LTBP1: variants seen among roughly 807,000 people sequenced by gnomAD.
The protein encoded by LTBP1 is latent transforming growth factor beta binding protein 1.
LTBP1 carries 129 observed loss-of-function variants against 207.6 expected under a neutral mutation model. That is an observed-to-expected ratio of 0.62 (90% confidence interval 0.54 to 0.72). The LOEUF is 0.72. Among genes scored for constraint, LTBP1 ranks in the 30% least tolerant of loss-of-function variants. LTBP1 has a pLI of 0.00. For synonymous variants in LTBP1, 963 were observed against 833.7 expected, an observed-to-expected ratio of 1.16 and a Z score of -2.67; for missense variants, 2,281 against 2,217.2, an observed-to-expected ratio of 1.03 and a Z score of -0.58.
At chr2:33,070,235 A>G (rs145290206) in intron 3 of LTBP1, among the ~76,000 whole-genome samples, 4 of 152,200 alleles carry the variant, frequency 2.6e-5, no homozygotes, top group Non-Finnish European at 5.9e-5. Flanking sequence ...TTTTCCTTTG[A>G]AAAGTTTGTT....
chr2:33,242,110 C>A (rs2092346317), intron 9 of LTBP1, among the ~76,000 whole-genome samples: 1 of 152,156 alleles, frequency 6.6e-6, no homozygotes, highest in Admixed American at 6.5e-5. Context: ...TTAAAAATTG[C>A]ATGCTCTGAG....
Position 33,360,742 on chromosome 2 carries a change from T to C in LTBP1, c.4146T>C (p.Asp1382=), listed in dbSNP as rs566977094. ...CCCTSGVGWG[D]NCEIFPCPVL... The stretch of plus-strand genomic sequence containing the variant: ...GTACATCAGGCGTGGGATGGGGAGA[T>C]AACTGCGAAATCTTCCCCTGCCCGG... The change falls in exon 27 of 34, where the codon GAT becomes GAC. Residue 1382 remains aspartate, a synonymous_variant. Coordinates refer to ENST00000404816, the MANE Select transcript of LTBP1 (RefSeq NM_206943.4). The C allele has an allele frequency of 3.5e-5, 56 of 1,614,032 alleles. No homozygotes were observed. The African/African-American group carries it at 6.0e-4, about 17-fold the overall frequency.
intron 24 of LTBP1, among the ~76,000 whole-genome samples, chr2:33,339,882 T>C (rs1415593380): frequency 1.3e-5 from 2 of 151,964 alleles, no homozygotes; most frequent in African/African-American, 2.4e-5. Flanking sequence ...CGACCTCAGG[T>C]GATCTGCCTG....
chr2:33,320,960 CT>C (rs1053904337), intron 24 of LTBP1, among the ~76,000 whole-genome samples: 4 of 151,804 alleles, frequency 2.6e-5, no homozygotes, highest in Admixed American at 1.3e-4. Context: ...TTGGCATTAC[CT>C]TTTTTTTATT....
intron 3 of LTBP1, among the ~76,000 whole-genome samples, chr2:33,051,881 A>G (rs2076764682): frequency 6.6e-6 from 1 of 152,250 alleles, no homozygotes; most frequent in Non-Finnish European, 1.5e-5. Context: ...ACCCAAAGAC[A>G]TAGGCACATA....
chr2:33,162,153 C>T (rs2084524610), intron 5 of LTBP1, among the ~76,000 whole-genome samples: 1 of 152,124 alleles, frequency 6.6e-6, no homozygotes, highest in Non-Finnish European at 1.5e-5. Context: ...CTTTTTGTGG[C>T]TGAAGTGTTG....
chr2:33,226,377 C>T (rs1558845978), intron 9 of LTBP1, among the ~76,000 whole-genome samples: 1 of 151,606 alleles, frequency 6.6e-6, no homozygotes, highest in Non-Finnish European at 1.5e-5. Context: ...AAAGTTGGGG[C>T]CTAGCCTGAG....
At chr2:33,158,174 G>C (rs2084159762) in intron 5 of LTBP1, among the ~76,000 whole-genome samples, 1 of 147,938 alleles carries the variant, frequency 6.8e-6, no homozygotes, top group African/African-American at 2.5e-5. Flanking sequence ...AAGAGAGAGA[G>C]AGAGAATATA....
intron 5 of LTBP1, among the ~76,000 whole-genome samples, chr2:33,152,713 G>A (rs2083639800): frequency 6.6e-6 from 1 of 152,114 alleles, no homozygotes; most frequent in Non-Finnish European, 1.5e-5. Flanking sequence ...TGGCCTCTTC[G>A]TGAGCTTATT....
intron 3 of LTBP1, among the ~76,000 whole-genome samples, chr2:33,107,947 T>G (rs1285979864): frequency 6.6e-6 from 1 of 152,088 alleles, no homozygotes; most frequent in Admixed American, 6.5e-5. Context: ...AAATCCCAAT[T>G]TAAATGGAGA....
chr2:33,396,432 C>T (rs909473581), intron 32 of LTBP1, among the ~76,000 whole-genome samples: 9 of 152,058 alleles, frequency 5.9e-5, no homozygotes, highest in Middle Eastern at 3.2e-3. Flanking sequence ...ATGTTGGCCA[C>T]GCTGGTCTTG....
At chr2:32,970,605 T>C (rs925362098) in intron 2 of LTBP1, among the ~76,000 whole-genome samples, 16 of 152,194 alleles carry the variant, frequency 1.1e-4, no homozygotes, top group African/African-American at 2.4e-5. Context: ...TCTATTCTGG[T>C]CCATTGGTCT....
At position 33,187,066 on chromosome 2, in the gene LTBP1, A is replaced by G. The variant is rs778440402; in HGVS notation, c.1412A>G (p.Gln471Arg). 1 of 1,614,044 alleles carries G rather than the reference A, an allele frequency of 6.2e-7. No homozygotes were observed. The highest frequency in any genetic ancestry group is 8.5e-7 in the Non-Finnish European group (1 of 1,179,880). The part of the protein sequence containing the change: ...THTLPLTVTS[Q>R]QGVKVKFPPN... ...ACCTTGCCTCTGACCGTGACTAGCC[A>G]GCAAGGAGTCAAAGGTAAGCTTTTT... Residue 471 changes from glutamine to arginine, a missense_variant, in exon 6 of 34, where the codon CAG becomes CGG. Physicochemically the swap from Gln to Arg is conservative, Grantham distance 43 (BLOSUM62 1). Coordinates refer to ENST00000404816, the MANE Select transcript of LTBP1 (RefSeq NM_206943.4).
At chr2:33,267,565 A>G (rs1415579766) in intron 15 of LTBP1, among the ~76,000 whole-genome samples, 3 of 152,236 alleles carry the variant, frequency 2.0e-5, no homozygotes, top group Non-Finnish European at 4.4e-5. Context: ...CAAATAATAC[A>G]CTATTTTGGA....
Position 33,275,076 on chromosome 2 carries a change from G to T in LTBP1, c.2855G>T (p.Gly952Val), listed in dbSNP as rs530602921. The change falls in exon 17 of 34, where the codon GGT (glycine) becomes GTT (valine). Residue 952 changes from glycine to valine, a missense_variant. Around this residue, in one of 3 missense-constraint regions of LTBP1, gnomAD observed 1,671 missense variants for 1,634.8 expected, o/e 1.02. Transcript: ENST00000404816. ...GCAGGATTTATGGCCAGTGAGGAGG[G>T]TACTAACTGCATAGGTAATGGCAGC... ...CPAGFMASEE[G>V]TNCIDVDECL... 24 of 1,613,866 alleles carry T rather than the reference G, an allele frequency of 1.5e-5. No individual in the cohort carries two copies. Among genetic ancestry groups the T allele is most frequent in the Non-Finnish European group, 1.9e-5 (23 of 1,179,834 alleles).
intron 3 of LTBP1, among the ~76,000 whole-genome samples, chr2:33,063,954 A>G (rs1572455195): frequency 1.3e-5 from 2 of 151,894 alleles, no homozygotes; most frequent in East Asian, 3.9e-4. Context: ...CCCAGGTTCA[A>G]GTGACTCTCC....
chr2:32,980,096 G>C (rs1463055611), intron 2 of LTBP1, among the ~76,000 whole-genome samples: 1 of 151,822 alleles, frequency 6.6e-6, no homozygotes, highest in Non-Finnish European at 1.5e-5. Context: ...GCAACATACT[G>C]TTAGTTTTTT....
At chr2:33,303,368 T>TTTGG (rs2094025091) in intron 22 of LTBP1, among the ~76,000 whole-genome samples, 1 of 149,110 alleles carries the variant, frequency 6.7e-6, no homozygotes, top group Non-Finnish European at 1.5e-5. Flanking sequence ...TTTTTTTTTT[T>TTTGG]GAGACGGAAT....
At chr2:33,139,004 G>A (rs374287558) in intron 5 of LTBP1, among the ~76,000 whole-genome samples, 1,538 of 150,504 alleles carry the variant, frequency 0.01, 8 homozygotes, top group Middle Eastern at 0.041. Context: ...GACTACAGGC[G>A]CCCGCTACCA....
Sources: gnomAD v4.1 joint callset for allele counts (sites outside exome capture counted in the v4.1 genomes callset) on GRCh38, gnomAD v4.1.1 for gene constraint, gnomAD v4.1.1 regional missense constraint, MANE v1.5 for transcripts, NCBI Gene and HGNC (gene_info 2026-07-23, HGNC 2026-07-21) for gene names.